Variants in MROH9 observed in about 807,000 individuals in gnomAD.
MROH9 encodes maestro heat like repeat family member 9, also known as maestro heat-like repeat-containing protein family member 9.
MROH9 carries 92 observed loss-of-function variants against 98.2 expected under a neutral mutation model. The ratio of observed to expected loss-of-function variants is 0.94; its 90% confidence interval spans 0.79 to 1.11. The LOEUF (loss-of-function observed/expected upper bound fraction) is 1.11, where lower values mean the gene tolerates loss of function less well. Ranked by LOEUF, MROH9 falls within the 50% of genes most tolerant of loss-of-function variation. The pLI is 0.00. For synonymous variants in MROH9, 397 were observed against 368.9 expected (o/e 1.08, Z -0.87); for missense variants, 1,057 against 1,014.8 (o/e 1.04, Z -0.57).
At chr1:170,997,008 G>T (rs1436257274) in intron 14 of MROH9, among the ~76,000 whole-genome samples, 1 of 152,016 alleles carries the variant, frequency 6.6e-6, no homozygotes, top group Non-Finnish European at 1.5e-5. Flanking sequence ...CTTGAAACAG[G>T]TCCAGTAAAA....
At chr1:170,972,549 G>A (rs556546141) in intron 8 of MROH9, among the ~76,000 whole-genome samples, 3 of 152,154 alleles carry the variant, frequency 2.0e-5, no homozygotes, top group South Asian at 2.1e-4. Flanking sequence ...AGTGGCTCAC[G>A]CCTATAATCC....
At chr1:170,975,420 A>G (rs1650644701) in intron 8 of MROH9, among the ~76,000 whole-genome samples, 1 of 152,204 alleles carries the variant, frequency 6.6e-6, no homozygotes, top group African/African-American at 2.4e-5. Flanking sequence ...TTAAGGAGAC[A>G]TAACAATTCT....
At chr1:171,052,749 G>A (rs1034816965) in intron 20 of MROH9, among the ~76,000 whole-genome samples, 2 of 152,312 alleles carry the variant, frequency 1.3e-5, no homozygotes, top group Middle Eastern at 6.8e-3. Flanking sequence ...CCTGGGCATG[G>A]AGCAAAGAAA....
Position 170,959,552 on chromosome 1 carries a change from A to C in MROH9, c.243A>C (p.Lys81Asn). 6.2e-7 allele frequency: 1 copy of C among 1,613,852 alleles called. No homozygotes were observed. The highest frequency in any genetic ancestry group is 1.1e-5 in the South Asian group (1 of 90,986). ...GMLVVMPSLD[K>N]VKEMGSSYEY... ...TAGTTGTCATGCCAAGTCTTGACAAAGTAAAAGAAATGGGGAGCAGTTATG... is the reference window on the plus strand; with the variant it reads ...TAGTTGTCATGCCAAGTCTTGACAACGTAAAAGAAATGGGGAGCAGTTATG... Residue 81 changes from lysine (K) to asparagine (N), a missense_variant, in exon 5 of 22, where the codon AAA becomes AAC. By Grantham distance (94) the Lys-to-Asn change is moderately conservative. Coordinates refer to ENST00000367759, the MANE Select transcript of MROH9 (RefSeq NM_001163629.2).
intron 15 of MROH9, among the ~76,000 whole-genome samples, chr1:171,010,636 G>T (rs548256025): frequency 2.8e-4 from 43 of 152,306 alleles, no homozygotes; most frequent in African/African-American, 1.0e-3. Context: ...TCTAACTGGT[G>T]TGAGATGTTA....
At chr1:170,956,581 C>CAT (rs1649765552) in intron 3 of MROH9, among the ~76,000 whole-genome samples, 1 of 124,904 alleles carries the variant, frequency 8.0e-6, no homozygotes, top group African/African-American at 3.6e-5. Context: ...TTTTCTCTTT[C>CAT]CTTTTTTTTT....
intron 3 of MROH9, among the ~76,000 whole-genome samples, chr1:170,949,652 AAC>A (rs1229333360): frequency 6.6e-6 from 1 of 152,008 alleles, no homozygotes; most frequent in African/African-American, 2.4e-5. Context: ...CAAAAACCAA[AAC>A]ACAGCACAGT....
chr1:171,023,554 T>C, intron 17 of MROH9, among the ~76,000 whole-genome samples: 1 of 152,228 alleles, frequency 6.6e-6, no homozygotes, highest in East Asian at 1.9e-4. Flanking sequence ...CACAGTTTTT[T>C]TAATGCAATC....
At chr1:171,040,363 G>A (rs1653257824) in intron 20 of MROH9, among the ~76,000 whole-genome samples, 1 of 152,060 alleles carries the variant, frequency 6.6e-6, no homozygotes, top group Non-Finnish European at 1.5e-5. Context: ...TGCTAAGAGA[G>A]TACATCTTAG....
intron 8 of MROH9, among the ~76,000 whole-genome samples, chr1:170,973,752 G>A (rs548693547): frequency 6.6e-6 from 1 of 152,104 alleles, no homozygotes; most frequent in African/African-American, 2.4e-5. Flanking sequence ...GTGCGTGCCT[G>A]TAATCGCAGC....
At chr1:171,052,543 A>G (rs868211744) in intron 20 of MROH9, among the ~76,000 whole-genome samples, 8 of 152,150 alleles carry the variant, frequency 5.3e-5, no homozygotes, top group African/African-American at 1.7e-4. Flanking sequence ...AGAGACTATC[A>G]AGTTGGCTGC....
chr1:170,983,788 T>C (rs1479206373), intron 9 of MROH9, among the ~76,000 whole-genome samples: 2 of 152,212 alleles, frequency 1.3e-5, no homozygotes, highest in Non-Finnish European at 2.9e-5. Flanking sequence ...AAATGAGGTA[T>C]TTCCTAGTTA....
intron 16 of MROH9, chr1:171,014,893 G>A (rs1355561831): frequency 1.6e-5 from 7 of 448,252 alleles, no homozygotes; most frequent in Non-Finnish European, 3.3e-5. Flanking sequence ...ATTCTGGGGT[G>A]GGCCCACCAA....
chr1:171,030,254 T>A (rs911731817), intron 20 of MROH9, among the ~76,000 whole-genome samples: 4 of 152,068 alleles, frequency 2.6e-5, no homozygotes, highest in Non-Finnish European at 1.5e-5. Context: ...GGATTTATTG[T>A]TTTTTTGGAG....
intron 20 of MROH9, among the ~76,000 whole-genome samples, chr1:171,033,078 G>A (rs942636880): frequency 6.6e-5 from 10 of 152,240 alleles, no homozygotes; most frequent in Admixed American, 6.5e-4. Context: ...CAGTGTGTTG[G>A]GCTGCGGAGG....
chr1:171,015,883 C>T (rs1159836950), intron 16 of MROH9, among the ~76,000 whole-genome samples: 1 of 152,034 alleles, frequency 6.6e-6, no homozygotes, highest in Non-Finnish European at 1.5e-5. Context: ...CATGAATAAC[C>T]TCAAGAGCAT....
chr1:170,958,530 G>A lies in MROH9; in HGVS notation c.142G>A (p.Val48Met), dbSNP rs772424371. 5 of 1,584,956 alleles carry A rather than the reference G, an allele frequency of 3.2e-6. No homozygotes were observed. Among genetic ancestry groups the A allele is most frequent in the Middle Eastern group, 1.7e-4 (1 of 5,932 alleles). The change falls in exon 4 of 22, where the codon GTG (valine) becomes ATG (methionine). Residue 48 changes from valine (V) to methionine (M), a missense_variant. By Grantham distance (21) the Val-to-Met change is conservative (BLOSUM62 1). Transcript: ENST00000367759. ...LLSNESMILA[V>M]NSSFVDPLLQ... ...AAGTAATGAATCCATGATCCTGGCTGTGAACTCCAGGTATGATAAGCTATC... is the reference window on the plus strand; with the variant it reads ...AAGTAATGAATCCATGATCCTGGCTATGAACTCCAGGTATGATAAGCTATC...
chr1:171,040,998 A>G (rs938611680), intron 20 of MROH9, among the ~76,000 whole-genome samples: 4 of 152,116 alleles, frequency 2.6e-5, no homozygotes, highest in Non-Finnish European at 5.9e-5. Flanking sequence ...TTTATTTAAT[A>G]GATTTAGGGA....
At chr1:171,019,065 A>G (rs1652424916) in intron 17 of MROH9, among the ~76,000 whole-genome samples, 1 of 152,222 alleles carries the variant, frequency 6.6e-6, no homozygotes, top group African/African-American at 2.4e-5. Flanking sequence ...ACATAATTGG[A>G]GGTAAAACAC....
Sources: gnomAD v4.1 joint callset for allele counts (sites outside exome capture counted in the v4.1 genomes callset) on GRCh38, gnomAD v4.1.1 for gene constraint, MANE v1.5 for transcripts, NCBI Gene and HGNC (gene_info 2026-07-23, HGNC 2026-07-21) for gene names.